The following GRM8 variants were observed in gnomAD, a reference collection of about 807,000 sequenced individuals.
GRM8 encodes metabotropic glutamate receptor 8.
A neutral mutation model predicts 87.2 loss-of-function variants in GRM8; 47 were observed. That is an observed-to-expected ratio of 0.54 (90% CI 0.43 to 0.69). GRM8 has a LOEUF of 0.69. Ranked by LOEUF, GRM8 falls within the 30% of genes least tolerant of loss-of-function variation. The pLI, the probability that GRM8 is intolerant of heterozygous loss-of-function variation, is 0.00. For synonymous variants in GRM8, 396 were observed against 404.5 expected, an observed-to-expected ratio of 0.98 and a Z score of 0.25; for missense variants, 1,019 against 1,139.2, an observed-to-expected ratio of 0.89 and a Z score of 1.52.
At chr7:126,810,790 T>G (rs979592446) in intron 6 of GRM8, among the ~76,000 whole-genome samples, 8 of 152,158 alleles carry the variant, frequency 5.3e-5, no homozygotes, top group Non-Finnish European at 1.0e-4. Context: ...TTGGAAACTC[T>G]CACCTAATAT....
intron 7 of GRM8, among the ~76,000 whole-genome samples, chr7:126,701,006 C>T (rs1809861041): frequency 6.6e-6 from 1 of 151,938 alleles, no homozygotes; most frequent in Non-Finnish European, 1.5e-5. Context: ...TCTTCCATTC[C>T]TTCTTTTCTT....
At chr7:126,662,592 C>G (rs1805311512) in intron 7 of GRM8, among the ~76,000 whole-genome samples, 1 of 152,082 alleles carries the variant, frequency 6.6e-6, no homozygotes, top group Non-Finnish European at 1.5e-5. Context: ...CTGATGACCT[C>G]AAATTTCATG....
At chr7:127,225,102 G>A (rs888295332) in intron 2 of GRM8, among the ~76,000 whole-genome samples, 2 of 152,204 alleles carry the variant, frequency 1.3e-5, no homozygotes, top group African/African-American at 2.4e-5. Context: ...AAAGGTCCAA[G>A]GAGAAACTGA....
intron 1 of GRM8, among the ~76,000 whole-genome samples, chr7:127,247,223 T>C (rs1403293343): frequency 6.6e-6 from 1 of 152,166 alleles, no homozygotes; most frequent in African/African-American, 2.4e-5. Context: ...AAATGAGGTC[T>C]CCTGGCCAGG....
At chr7:126,775,479 GTTTTTTTTTTTTTTTTTT>G (rs372733476) in intron 6 of GRM8, among the ~76,000 whole-genome samples, 34 of 104,758 alleles carry the variant, frequency 3.2e-4, no homozygotes, top group Non-Finnish European at 4.6e-4. Context: ...TGACAAATAG[GTTTTTTTTTTTTTTTTTT>G]TTTTTTTTTT....
intron 2 of GRM8, among the ~76,000 whole-genome samples, chr7:127,148,345 G>A (rs190432177): frequency 1.7e-4 from 26 of 151,788 alleles, no homozygotes; most frequent in Middle Eastern, 3.4e-3. Flanking sequence ...TAATGGACAC[G>A]GGGAAATAGA....
chr7:126,662,793 G>A (rs1395875728), intron 7 of GRM8, among the ~76,000 whole-genome samples: 3 of 152,188 alleles, frequency 2.0e-5, no homozygotes, highest in East Asian at 1.9e-4. Flanking sequence ...AGGAGCTTCC[G>A]TTCATCACAG....
At chr7:126,644,292 C>T (rs1257845415) in intron 7 of GRM8, among the ~76,000 whole-genome samples, 1 of 152,092 alleles carries the variant, frequency 6.6e-6, no homozygotes, top group Non-Finnish European at 1.5e-5. Flanking sequence ...CATAAATATT[C>T]CCTCTTTCAT....
intron 6 of GRM8, among the ~76,000 whole-genome samples, chr7:126,894,611 A>G (rs1051803018): frequency 1.3e-5 from 2 of 152,148 alleles, no homozygotes; most frequent in African/African-American, 4.8e-5. Flanking sequence ...AAATGCATCA[A>G]TCTGACTCCC....
At chr7:126,879,030 G>A (rs1459618253) in intron 6 of GRM8, among the ~76,000 whole-genome samples, 1 of 151,874 alleles carries the variant, frequency 6.6e-6, no homozygotes, top group Non-Finnish European at 1.5e-5. Context: ...AGGCACAGTG[G>A]CGGGCCCCTG....
chr7:126,462,885 A>G (rs926075780), intron 9 of GRM8, among the ~76,000 whole-genome samples: 2 of 151,550 alleles, frequency 1.3e-5, no homozygotes, highest in African/African-American at 4.8e-5. Context: ...TCAGGAGAAA[A>G]AGACAGACAT....
chr7:126,758,089 A>G (rs1817210029), intron 7 of GRM8, among the ~76,000 whole-genome samples: 1 of 152,198 alleles, frequency 6.6e-6, no homozygotes, highest in Non-Finnish European at 1.5e-5. Context: ...GAGATTTATC[A>G]GATGCTTTGA....
At chr7:126,682,097 C>T (rs1266325023) in intron 7 of GRM8, among the ~76,000 whole-genome samples, 1 of 152,206 alleles carries the variant, frequency 6.6e-6, no homozygotes. Flanking sequence ...GTTCCCAAAG[C>T]ATTTCTGAAT....
intron 3 of GRM8, among the ~76,000 whole-genome samples, chr7:127,102,010 T>G (rs1825325801): frequency 6.6e-6 from 1 of 152,210 alleles, no homozygotes; most frequent in South Asian, 2.1e-4. Flanking sequence ...GGAGCAAAGG[T>G]TACCTGTGTT....
intron 3 of GRM8, among the ~76,000 whole-genome samples, chr7:126,910,606 G>A (rs552930897): frequency 3.6e-4 from 55 of 152,308 alleles, no homozygotes; most frequent in African/African-American, 1.3e-3. Flanking sequence ...AGTTGTCACT[G>A]AAATGGGATC....
chr7:126,571,697 A>G (rs1794704659), intron 8 of GRM8, among the ~76,000 whole-genome samples: 1 of 151,626 alleles, frequency 6.6e-6, no homozygotes, highest in Non-Finnish European at 1.5e-5. Context: ...AAACAAGTCA[A>G]TCGTTTTTCA....
At chr7:127,131,568 T>G (rs936767239) in intron 2 of GRM8, among the ~76,000 whole-genome samples, 1 of 152,192 alleles carries the variant, frequency 6.6e-6, no homozygotes, top group Non-Finnish European at 1.5e-5. Flanking sequence ...TACCACCTTC[T>G]CAATTCTTCT....
intron 2 of GRM8, among the ~76,000 whole-genome samples, chr7:127,174,779 T>C (rs539988413): frequency 6.6e-6 from 1 of 152,346 alleles, no homozygotes; most frequent in East Asian, 1.9e-4. Flanking sequence ...AAGTTTTCTC[T>C]GATGTTCATA....
intron 3 of GRM8, among the ~76,000 whole-genome samples, chr7:126,928,821 A>G (rs555282716): frequency 1.3e-5 from 2 of 152,336 alleles, no homozygotes; most frequent in African/African-American, 4.8e-5. Flanking sequence ...CCTTATAATA[A>G]TAGGAGGAAC....
Sources: gnomAD v4.1 joint callset for allele counts (sites outside exome capture counted in the v4.1 genomes callset) on GRCh38, gnomAD v4.1.1 for gene constraint, MANE v1.5 for transcripts, NCBI Gene and HGNC (gene_info 2026-07-23, HGNC 2026-07-21) for gene names.